The following NDST3 variants were observed in gnomAD, a reference collection of about 807,000 sequenced individuals.
NDST3 encodes bifunctional heparan sulfate N-deacetylase/N-sulfotransferase 3.
In NDST3, 58 loss-of-function variants were observed where a neutral mutation model predicts 96.1. The observed-to-expected ratio is 0.60, with a 90% confidence interval of 0.49 to 0.75. The LOEUF (loss-of-function observed/expected upper bound fraction) is 0.75, where lower values mean the gene tolerates loss of function less well. Ranked by LOEUF, NDST3 falls within the 30% of genes least tolerant of loss-of-function variation. NDST3 has a pLI of 0.00. For synonymous variants in NDST3, 333 were observed against 359.7 expected, an observed-to-expected ratio of 0.93 and a Z score of 0.84; for missense variants, 788 against 1,034.2, an observed-to-expected ratio of 0.76 and a Z score of 3.27.
intron 6 of NDST3, among the ~76,000 whole-genome samples, chr4:118,158,259 G>T (rs1000252731): frequency 6.6e-6 from 1 of 152,098 alleles, no homozygotes; most frequent in Non-Finnish European, 1.5e-5. Flanking sequence ...GGGCTTTTTG[G>T]AGAAAAGGCT....
intron 2 of NDST3, among the ~76,000 whole-genome samples, chr4:118,084,413 C>T (rs974091577): frequency 3.9e-5 from 6 of 152,226 alleles, no homozygotes; most frequent in East Asian, 1.9e-4. Context: ...GGCCCAAATG[C>T]CCCTTTTTGT....
intron 6 of NDST3, among the ~76,000 whole-genome samples, chr4:118,163,843 A>T (rs1161532011): frequency 2.0e-5 from 3 of 152,156 alleles, no homozygotes; most frequent in Non-Finnish European, 4.4e-5. Flanking sequence ...AAAGTCAAAA[A>T]ATAACAGATG....
At chr4:118,128,676 G>A (rs180849931) in intron 4 of NDST3, among the ~76,000 whole-genome samples, 162 of 151,860 alleles carry the variant, frequency 1.1e-3, no homozygotes, top group African/African-American at 3.0e-3. Context: ...ATCTGGTTTC[G>A]GTATCAGGAT....
At chr4:118,204,578 G>C (rs1738313785) in intron 6 of NDST3, among the ~76,000 whole-genome samples, 1 of 144,694 alleles carries the variant, frequency 6.9e-6, no homozygotes. Context: ...ACTGGCACAA[G>C]AGTAGGTTAC....
intron 6 of NDST3, among the ~76,000 whole-genome samples, chr4:118,192,988 A>G (rs1335931930): frequency 1.3e-5 from 2 of 152,174 alleles, no homozygotes; most frequent in African/African-American, 4.8e-5. Context: ...CATGGAGGCC[A>G]CATTTGGAAA....
At chr4:118,070,425 G>C (rs1309541685) in intron 2 of NDST3, among the ~76,000 whole-genome samples, 3 of 152,076 alleles carry the variant, frequency 2.0e-5, no homozygotes, top group Non-Finnish European at 4.4e-5. Flanking sequence ...TGGTGAGGCA[G>C]AGAATTCCAA....
intron 4 of NDST3, among the ~76,000 whole-genome samples, chr4:118,135,309 T>G (rs1578704573): frequency 6.6e-6 from 1 of 152,218 alleles, no homozygotes; most frequent in East Asian, 1.9e-4. Flanking sequence ...AGGAGTCTCA[T>G]GAGAAAGAAT....
At chr4:118,079,946 G>C (rs1466776977) in intron 2 of NDST3, among the ~76,000 whole-genome samples, 1 of 152,122 alleles carries the variant, frequency 6.6e-6, no homozygotes, top group Non-Finnish European at 1.5e-5. Context: ...TAGGATTTTG[G>C]CCTGACAGCA....
chr4:118,118,315 G>C (rs1245438902), intron 4 of NDST3, among the ~76,000 whole-genome samples: 1 of 152,206 alleles, frequency 6.6e-6, no homozygotes, highest in African/African-American at 2.4e-5. Context: ...GCAAATAGGT[G>C]TTCAAACAAG....
At chr4:118,092,672 ATT>A (rs564136684) in intron 2 of NDST3, among the ~76,000 whole-genome samples, 189 of 151,896 alleles carry the variant, frequency 1.2e-3, no homozygotes, top group African/African-American at 4.0e-3. Flanking sequence ...GCATTAATTA[ATT>A]TGTTTATTCA....
intron 2 of NDST3, among the ~76,000 whole-genome samples, chr4:118,102,290 T>C (rs926413309): frequency 7.9e-5 from 12 of 152,194 alleles, no homozygotes; most frequent in African/African-American, 2.6e-4. Context: ...TAGACATCTA[T>C]GTTCTTAGGG....
Position 118,143,594 on chromosome 4 carries a change from C to T in NDST3, c.1449C>T (p.Thr483=), listed in dbSNP as rs886234874. ...AAACCTGTGGGCTTTTCACTCACAC[C>T]ATTTTCTACAAAGAATATCCAGGGG... The part of the protein sequence containing the change: ...PRQTCGLFTH[T]IFYKEYPGGP... Residue 483 remains threonine, a synonymous_variant, in exon 6 of 14, where the codon ACC becomes ACT. Transcript: ENST00000296499. 4 of 1,609,136 alleles carry T rather than the reference C, an allele frequency of 2.5e-6. No individual in the cohort carries two copies. The African/African-American group carries it at 5.4e-5, about 22-fold the overall frequency.
rs1725269639 is a variant in NDST3 at position 118,054,304 on chromosome 4, A to G, written c.394A>G (p.Ile132Val). 1 of 1,610,696 alleles carries G rather than the reference A, an allele frequency of 6.2e-7. No individual in the cohort carries two copies. Among genetic ancestry groups the G allele is most frequent in the South Asian group, 1.1e-5 (1 of 90,810 alleles). The change falls in exon 2 of 14, where the codon ATT becomes GTT. Residue 132 changes from isoleucine (I) to valine (V), a missense_variant. By Grantham distance (29) the Ile-to-Val change is conservative (BLOSUM62 3). This residue lies in a region of NDST3 where 234 missense variants were observed against 256.9 expected (regional missense o/e 0.91). Transcript: ENST00000296499. ...DKMKGKYILI[I>V]YENILKYINM... ...AATGAAAGGCAAATACATTCTCATT[A>G]TTTATGAGAATATTTTAAAGTATAT...
At chr4:118,213,755 T>C (rs1042997674) in intron 6 of NDST3, among the ~76,000 whole-genome samples, 2 of 150,488 alleles carry the variant, frequency 1.3e-5, no homozygotes, top group African/African-American at 2.4e-5. Flanking sequence ...ATAAATCCTA[T>C]ATATAAGATT....
intron 6 of NDST3, among the ~76,000 whole-genome samples, chr4:118,169,021 A>G (rs1735743871): frequency 6.6e-6 from 1 of 152,224 alleles, no homozygotes; most frequent in Admixed American, 6.5e-5. Context: ...AATACCCTCT[A>G]GAGATCCAGT....
intron 6 of NDST3, among the ~76,000 whole-genome samples, chr4:118,163,026 A>C (rs1400350911): frequency 1.3e-5 from 2 of 151,924 alleles, no homozygotes; most frequent in African/African-American, 4.8e-5. Context: ...GCCATCAGAG[A>C]AATGCAAATC....
Position 118,240,651 on chromosome 4 carries a change from C to T in NDST3, c.2246C>T (p.Ala749Val). The T allele has an allele frequency of 6.2e-7, 1 of 1,613,684 alleles. No homozygotes were observed. The highest frequency in any genetic ancestry group is 8.5e-7 in the Non-Finnish European group (1 of 1,179,794). Residue 749 changes from alanine to valine, a missense_variant, in exon 11 of 14, where the codon GCC becomes GTC. Physicochemically the swap from Ala to Val is moderately conservative, Grantham distance 64. This residue lies in a region of NDST3 where 490 missense variants were observed against 708.8 expected (regional missense o/e 0.69). Transcript: ENST00000296499. ...AGATGTTTGGTCCCGGGGTGGTATG[C>T]CAGCCACATCGAGAGATGGCTTGTT... Reference protein sequence around the residue: ...QKRCLVPGWYASHIERWLVYF... With the variant: ...QKRCLVPGWYVSHIERWLVYF...
chr4:118,206,895 G>A lies in NDST3; in HGVS notation c.1540-17596G>A, dbSNP rs189311397. On this transcript the variant is annotated intron_variant, in intron 6 of 13. Coordinates refer to ENST00000296499, the MANE Select transcript of NDST3 (RefSeq NM_004784.3). Reference sequence around the variant, plus strand: ...AGAATTTATCCTCAGATATATTTTCGAATGAGTGAAGTGATGCATATACCA... The same window carrying A: ...AGAATTTATCCTCAGATATATTTTCAAATGAGTGAAGTGATGCATATACCA... Among the ~76,000 whole-genome samples, 25 of 142,806 alleles carry A rather than the reference G, an allele frequency of 1.8e-4. 2 individuals are homozygous for A. Among genetic ancestry groups the A allele is most frequent in the Admixed American group, 6.9e-4 (10 of 14,392 alleles). The allele number at this position is 142,806 out of a possible 152,430, so 93.7% of individuals were successfully genotyped here.
intron 2 of NDST3, among the ~76,000 whole-genome samples, chr4:118,080,767 T>A (rs565932144): frequency 1.2e-3 from 184 of 152,284 alleles, no homozygotes; most frequent in African/African-American, 4.2e-3. Flanking sequence ...AAAGAAATTA[T>A]GATGAATAAT....
Sources: allele counts gnomAD v4.1 joint callset (sites outside exome capture counted in the v4.1 genomes callset), GRCh38; gene constraint gnomAD v4.1.1; regional missense constraint gnomAD v4.1.1; transcripts MANE v1.5; gene names NCBI Gene and HGNC (gene_info 2026-07-23, HGNC 2026-07-21).